Variants in GLRA2 observed in about 807,000 individuals in gnomAD.
GLRA2 encodes glycine receptor subunit alpha-2.
GLRA2 carries 11 observed loss-of-function variants against 31.6 expected under a neutral mutation model. The ratio of observed to expected loss-of-function variants is 0.35; its 90% CI spans 0.22 to 0.58. The LOEUF (loss-of-function observed/expected upper bound fraction) is 0.58. GLRA2 is among the 20% of genes least tolerant of loss of function. GLRA2 has a pLI of 0.84. For missense variants in GLRA2, 212 were observed against 351.8 expected (o/e 0.60, Z 3.18); for synonymous variants, 132 against 134.0 (o/e 0.99, Z 0.10).
intron 4 of GLRA2, among the ~76,000 whole-genome samples, chrX:14,601,399 A>C (rs1437256232): frequency 1.8e-5 from 2 of 111,886 alleles, no homozygotes; most frequent in African/African-American, 6.5e-5. Context: ...ACGAAATGGA[A>C]TTTTGTAATT....
chrX:14,663,527 A>T (rs1465004887), intron 7 of GLRA2, among the ~76,000 whole-genome samples: 1 of 110,941 alleles, frequency 9.0e-6, no homozygotes, highest in Non-Finnish European at 1.9e-5. Context: ...ACACACACAC[A>T]CACACACACA....
chrX:14,502,885 A>G, the GLRA2 span, among the ~76,000 whole-genome samples: 2 of 77,561 alleles, frequency 2.6e-5, no homozygotes, highest in African/African-American at 7.6e-5. Flanking sequence ...CAAAAATGCA[A>G]AAAAAAAAAA....
the GLRA2 span, among the ~76,000 whole-genome samples, chrX:14,517,321 A>C: frequency 8.9e-6 from 1 of 112,315 alleles, no homozygotes; most frequent in Non-Finnish European, 1.9e-5. Flanking sequence ...AAAACATTAG[A>C]AGATTGTATT....
chrX:14,472,269 G>C, the GLRA2 span, among the ~76,000 whole-genome samples: 1 of 112,413 alleles, frequency 8.9e-6, no homozygotes, highest in Non-Finnish European at 1.9e-5. Context: ...CATGCACAAA[G>C]ACTTTCATCA....
At chrX:14,480,521 A>G in the GLRA2 span, among the ~76,000 whole-genome samples, 1 of 111,574 alleles carries the variant, frequency 9.0e-6, no homozygotes, top group East Asian at 2.8e-4. Flanking sequence ...TCTTTCATCC[A>G]TGTTGATTTT....
chrX:14,648,202 TAAAC>T (rs938781232), intron 7 of GLRA2, among the ~76,000 whole-genome samples: 2 of 112,299 alleles, frequency 1.8e-5, no homozygotes, highest in African/African-American at 6.5e-5. Flanking sequence ...GCATTTTACA[TAAAC>T]AAATAAGACT....
At chrX:14,592,663 C>G (rs769374626) in intron 4 of GLRA2, among the ~76,000 whole-genome samples, 27 of 111,185 alleles carry the variant, frequency 2.4e-4, no homozygotes, top group Non-Finnish European at 4.7e-4. Flanking sequence ...CAAAGTGAGA[C>G]TCTGTCTCAA....
At chrX:14,644,665 T>C (rs755748612) in intron 7 of GLRA2, among the ~76,000 whole-genome samples, 2 of 112,012 alleles carry the variant, frequency 1.8e-5, no homozygotes, top group African/African-American at 6.5e-5. Flanking sequence ...GAATGGATTT[T>C]ATTGCTTTTT....
intron 8 of GLRA2, among the ~76,000 whole-genome samples, chrX:14,726,164 A>C (rs778393822): frequency 8.9e-6 from 1 of 112,357 alleles, no homozygotes; most frequent in South Asian, 3.6e-4. Flanking sequence ...TTTTAGTTTC[A>C]GTTTATCCAT....
the GLRA2 span, among the ~76,000 whole-genome samples, chrX:14,451,397 G>A: frequency 0.024 from 2,678 of 110,513 alleles, 102 homozygotes; most frequent in African/African-American, 0.084. Flanking sequence ...TTGGGAGGCC[G>A]AGGTGGGTGG....
At chrX:14,537,203 T>C (rs190749358) in intron 2 of GLRA2, among the ~76,000 whole-genome samples, 4 of 111,678 alleles carry the variant, frequency 3.6e-5, no homozygotes, top group Admixed American at 9.5e-5. Flanking sequence ...TATTAGTATG[T>C]CTATATATAT....
At chrX:14,652,251 T>C (rs1192019566) in intron 7 of GLRA2, among the ~76,000 whole-genome samples, 1 of 112,107 alleles carries the variant, frequency 8.9e-6, no homozygotes, top group Non-Finnish European at 1.9e-5. Context: ...GACTGTCATC[T>C]AGCCACTGCT....
At chrX:14,623,277 C>T (rs770516738) in intron 7 of GLRA2, among the ~76,000 whole-genome samples, 65 of 111,697 alleles carry the variant, frequency 5.8e-4, no homozygotes, top group Admixed American at 1.5e-3. Flanking sequence ...TCTATATATA[C>T]AATCATGTCA....
At chrX:14,614,853 C>T (rs1222341354) in intron 7 of GLRA2, among the ~76,000 whole-genome samples, 2 of 111,677 alleles carry the variant, frequency 1.8e-5, no homozygotes, top group African/African-American at 6.5e-5. Context: ...ACCTTCTATC[C>T]ATCTTTAGGA....
upstream of GLRA2, among the ~76,000 whole-genome samples, chrX:14,526,079 T>C (rs1245911774): frequency 8.9e-6 from 1 of 112,177 alleles, no homozygotes; most frequent in Non-Finnish European, 1.9e-5. Flanking sequence ...TGAAGGCCTG[T>C]AATAGAATTG....
At chrX:14,683,179 T>C (rs62586505) in intron 7 of GLRA2, among the ~76,000 whole-genome samples, 25,696 of 110,995 alleles carry the variant, frequency 0.23, 2,249 homozygotes, top group Non-Finnish European at 0.26. Flanking sequence ...AGTGTAAAAG[T>C]GTTCCTATTT....
chrX:14,533,272 T>C (rs1230857899), intron 2 of GLRA2, among the ~76,000 whole-genome samples: 3 of 110,707 alleles, frequency 2.7e-5, no homozygotes, highest in Admixed American at 1.9e-4. Flanking sequence ...TATGTAGCAA[T>C]TCATGCATTG....
At chrX:14,578,882 A>G (rs750701978) in intron 3 of GLRA2, among the ~76,000 whole-genome samples, 5 of 111,946 alleles carry the variant, frequency 4.5e-5, no homozygotes, top group Non-Finnish European at 7.5e-5. Context: ...GTAGGTAGAT[A>G]GTGTGTGATT....
intron 7 of GLRA2, among the ~76,000 whole-genome samples, chrX:14,687,212 C>A (rs1393420236): frequency 8.9e-6 from 1 of 112,029 alleles, no homozygotes; most frequent in African/African-American, 3.2e-5. Context: ...GGTAACCCGA[C>A]CTTTCTCTTT....
Sources: gnomAD v4.1 joint callset for allele counts (sites outside exome capture counted in the v4.1 genomes callset) on GRCh38, gnomAD v4.1.1 for gene constraint, MANE v1.5 for transcripts, NCBI Gene and HGNC (gene_info 2026-07-23, HGNC 2026-07-21) for gene names.